The following MOSMO variants were observed in gnomAD, a reference collection of about 807,000 sequenced individuals.
MOSMO encodes the protein modulator of smoothened protein.
Under a neutral mutation model 18.4 loss-of-function variants are expected in MOSMO, and 5 were observed. The ratio of observed to expected loss-of-function variants is 0.27; its 90% confidence interval spans 0.14 to 0.57. MOSMO has a LOEUF of 0.57. Among genes scored for constraint, MOSMO ranks in the 20% least tolerant of loss-of-function variants. MOSMO has a pLI of 0.92. For synonymous variants in MOSMO, 82 were observed against 82.3 expected (o/e 1.00, Z 0.02); for missense variants, 138 against 211.8 (o/e 0.65, Z 2.16).
At chr16:22,060,643 C>A (rs529096493) in intron 1 of MOSMO, among the ~76,000 whole-genome samples, 1 of 152,244 alleles carries the variant, frequency 6.6e-6, no homozygotes, top group East Asian at 1.9e-4. Context: ...GAGGCCGAAG[C>A]AGTCCAGTCA....
chr16:22,031,393 A>G (rs1271193863), intron 1 of MOSMO, among the ~76,000 whole-genome samples: 1 of 152,210 alleles, frequency 6.6e-6, no homozygotes, highest in Non-Finnish European at 1.5e-5. Context: ...CACATCATAC[A>G]GTTTACCCCT....
chr16:22,040,511 T>A (rs1900190269), intron 1 of MOSMO, among the ~76,000 whole-genome samples: 1 of 152,168 alleles, frequency 6.6e-6, no homozygotes, highest in African/African-American at 2.4e-5. Context: ...ACTGGGTGAT[T>A]GATGGAGTGA....
chr16:22,059,229 A>G (rs1441787425), intron 1 of MOSMO, among the ~76,000 whole-genome samples: 1 of 152,218 alleles, frequency 6.6e-6, no homozygotes, highest in Non-Finnish European at 1.5e-5. Context: ...ATACAGTAGT[A>G]AGAACCATTC....
intron 1 of MOSMO, among the ~76,000 whole-genome samples, chr16:22,009,195 T>C (rs558619296): frequency 1.2e-3 from 187 of 152,326 alleles, no homozygotes; most frequent in Non-Finnish European, 2.4e-3. Context: ...ATAATACTAC[T>C]AATAATAAAC....
chr16:22,062,797 A>G (rs905040542), intron 1 of MOSMO, among the ~76,000 whole-genome samples: 1 of 152,182 alleles, frequency 6.6e-6, no homozygotes, highest in African/African-American at 2.4e-5. Context: ...GCTGAGGTAC[A>G]CAGAGGTTAA....
In MOSMO at chr16:22,008,210, G is replaced by A. The variant is rs1206315721; in HGVS notation, c.-92G>A. 7.3e-6 allele frequency: 4 copies of A among 544,388 alleles called. No homozygotes were observed. Among genetic ancestry groups the A allele is most frequent in the African/African-American group, 2.0e-5 (1 of 49,884 alleles). The allele number at this position is 544,388 out of a possible 1,614,324, so 33.7% of individuals were successfully genotyped here. On this transcript the variant is annotated 5_prime_UTR_variant, in exon 1 of 3. Coordinates refer to ENST00000542527, the MANE Select transcript of MOSMO (RefSeq NM_001164579.2). ...GAGGGGGCGCGAGGCAGCGGCGCGG[G>A]GACTCCGGGCCCCGGCGGCGGCCCA...
At chr16:22,079,531 A>G (rs139200607) in intron 2 of MOSMO, among the ~76,000 whole-genome samples, 30 of 152,316 alleles carry the variant, frequency 2.0e-4, no homozygotes, top group Non-Finnish European at 2.1e-4. Context: ...AATCACTTTT[A>G]CCCGGACATT....
chr16:22,039,952 A>T, intron 1 of MOSMO, among the ~76,000 whole-genome samples: 1 of 152,224 alleles, frequency 6.6e-6, no homozygotes, highest in East Asian at 1.9e-4. Context: ...ATGAGAAAAG[A>T]AATATTATCT....
At chr16:22,066,227 CTTTG>C (rs1442196698) in intron 1 of MOSMO, among the ~76,000 whole-genome samples, 12 of 150,202 alleles carry the variant, frequency 8.0e-5, no homozygotes, top group African/African-American at 2.5e-4. Context: ...TAGGGCTTAT[CTTTG>C]TTTGATCAGA....
intron 1 of MOSMO, among the ~76,000 whole-genome samples, chr16:22,071,566 T>C (rs1862648): frequency 0.35 from 53,842 of 152,052 alleles, 11,156 homozygotes; most frequent in East Asian, 0.7. Flanking sequence ...TTACAGATGA[T>C]GAGCGTCGAA....
At chr16:22,020,554 C>T (rs572702015) in intron 1 of MOSMO, among the ~76,000 whole-genome samples, 4 of 152,078 alleles carry the variant, frequency 2.6e-5, no homozygotes, top group African/African-American at 9.7e-5. Flanking sequence ...ATCGGCCTCC[C>T]AAAGTGCTGG....
At chr16:22,085,958 A>G (rs975060955), downstream of MOSMO, 1 of 152,116 alleles carries the variant, frequency 6.6e-6, no homozygotes, top group African/African-American at 2.4e-5. Flanking sequence ...AAGACTATAA[A>G]ATTTCAGTGC....
downstream of MOSMO, chr16:22,085,589 A>G (rs1367638708): frequency 6.6e-6 from 1 of 152,194 alleles, no homozygotes; most frequent in African/African-American, 2.4e-5. Context: ...TTTGAAAACA[A>G]CATGGGTTCA....
chr16:22,012,235 A>C (rs1440648380), intron 1 of MOSMO, among the ~76,000 whole-genome samples: 1 of 152,186 alleles, frequency 6.6e-6, no homozygotes, highest in Admixed American at 6.5e-5. Context: ...ACGGCAGTGA[A>C]CTACTAAGGG....
intron 1 of MOSMO, among the ~76,000 whole-genome samples, chr16:22,069,184 A>C (rs1383609229): frequency 6.6e-6 from 1 of 152,198 alleles, no homozygotes; most frequent in African/African-American, 2.4e-5. Flanking sequence ...TCTAAGCTGC[A>C]ACTGGAATTT....
At chr16:22,088,910 A>G (rs561660127), downstream of MOSMO, among the ~76,000 whole-genome samples, 1 of 152,282 alleles carries the variant, frequency 6.6e-6, no homozygotes, top group South Asian at 2.1e-4. Flanking sequence ...AAACATGAGC[A>G]GCTAAATCTA....
intron 1 of MOSMO, among the ~76,000 whole-genome samples, chr16:22,041,517 A>G (rs1250944802): frequency 6.6e-6 from 1 of 152,210 alleles, no homozygotes; most frequent in Non-Finnish European, 1.5e-5. Flanking sequence ...TTACAACTGT[A>G]GTTAAGTATT....
At chr16:22,023,845 C>G (rs78504122) in intron 1 of MOSMO, among the ~76,000 whole-genome samples, 3 of 151,864 alleles carry the variant, frequency 2.0e-5, no homozygotes, top group African/African-American at 7.3e-5. Context: ...AGACTCTTGT[C>G]TTTTGACTGT....
intron 1 of MOSMO, among the ~76,000 whole-genome samples, chr16:22,053,142 T>C (rs1289669992): frequency 6.6e-6 from 1 of 151,122 alleles, no homozygotes; most frequent in Non-Finnish European, 1.5e-5. Flanking sequence ...TTTGTATTTT[T>C]AGTAGCGATG....
Sources: allele counts gnomAD v4.1 joint callset (sites outside exome capture counted in the v4.1 genomes callset), GRCh38; gene constraint gnomAD v4.1.1; transcripts MANE v1.5; gene names NCBI Gene and HGNC (gene_info 2026-07-23, HGNC 2026-07-21).